Variants in CCND3 observed in about 807,000 individuals in gnomAD.
CCND3 encodes G1/S-specific cyclin-D3.
Under a neutral mutation model 28.7 loss-of-function variants are expected in CCND3, and 9 were observed. The ratio of observed to expected loss-of-function variants is 0.31; its 90% CI spans 0.19 to 0.55. The LOEUF is 0.55. Among genes scored for constraint, CCND3 ranks in the 20% least tolerant of loss-of-function variants. CCND3 has a pLI of 0.93. For missense variants in CCND3, 315 were observed against 385.8 expected (o/e 0.82, Z 1.54); for synonymous variants, 164 against 163.9 (o/e 1.00, Z 0.00).
At chr6:42,009,587 G>A (rs1316804858) in intron 1 of CCND3, among the ~76,000 whole-genome samples, 2 of 151,884 alleles carry the variant, frequency 1.3e-5, no homozygotes, top group African/African-American at 4.8e-5. Flanking sequence ...ACTCCAGTCT[G>A]GGCAACAAGA....
intron 1 of CCND3, among the ~76,000 whole-genome samples, chr6:42,014,353 G>A (rs549604345): frequency 1.5e-3 from 219 of 147,140 alleles, no homozygotes; most frequent in African/African-American, 4.9e-3. Flanking sequence ...GGGCAACAGC[G>A]AGACTCTGTC....
At chr6:41,950,875 A>AT (rs1408938840) in intron 1 of CCND3, among the ~76,000 whole-genome samples, 1 of 151,480 alleles carries the variant, frequency 6.6e-6, no homozygotes, top group African/African-American at 2.4e-5. Context: ...CGCCCAGCTA[A>AT]TTTTTTGTAT....
chr6:42,038,758 G>A (rs1307637286), intron 1 of CCND3, among the ~76,000 whole-genome samples: 1 of 152,042 alleles, frequency 6.6e-6, no homozygotes, highest in East Asian at 1.9e-4. Flanking sequence ...AGAACATTCA[G>A]AAGAGTAAAA....
intron 1 of CCND3, among the ~76,000 whole-genome samples, chr6:42,021,187 T>C (rs1415906583): frequency 6.6e-6 from 1 of 152,260 alleles, no homozygotes; most frequent in African/African-American, 2.4e-5. Context: ...TTAGTCATTG[T>C]GGTTAATCTC....
chr6:41,963,868 A>T lies in CCND3; in HGVS notation c.-45-23283T>A, dbSNP rs116247238. Among the ~76,000 whole-genome samples the T allele has an allele frequency of 2.1e-3, 313 of 152,192 alleles. 1 individual carries two copies. The highest frequency in any genetic ancestry group is 7.1e-3 in the African/African-American group (296 of 41,526). ...TGGACCACTCTTTCCCTAGATCTCCACATAGCTCCTTTCCTCACTTCCCTC... is the reference window on the plus strand; with the variant it reads ...TGGACCACTCTTTCCCTAGATCTCCTCATAGCTCCTTTCCTCACTTCCCTC... On this transcript the variant is annotated intron_variant, in intron 1 of 4. Transcript: ENST00000372988.
intron 1 of CCND3, among the ~76,000 whole-genome samples, chr6:41,989,789 G>A (rs1446178738): frequency 6.6e-6 from 1 of 152,120 alleles, no homozygotes; most frequent in Non-Finnish European, 1.5e-5. Flanking sequence ...ATGACTAAAA[G>A]TACTATTCTA....
In CCND3 at chr6:42,000,564, CT is replaced by C. The variant is rs774090777; in HGVS notation, c.-46+47936del. Reference sequence around the variant, plus strand: ...TTTCTAATAACTGGGTGAAACGAATCTTTTTTTTTTTTTTTTTTCTGAGACG... The same window carrying C: ...TTTCTAATAACTGGGTGAAACGAATCTTTTTTTTTTTTTTTTTCTGAGACG... On this transcript the variant is annotated intron_variant, in intron 1 of 4. Coordinates refer to the CCND3 transcript ENST00000372988. 3.3e-4 allele frequency among the ~76,000 whole-genome samples: 28 copies of C among 85,520 alleles called. 1 individual carries two copies. The highest frequency in any genetic ancestry group is 1.2e-3 in the African/African-American group (25 of 20,226). The allele number at this position is 85,520 out of a possible 152,430, so 56.1% of individuals were successfully genotyped here. A position where few individuals can be genotyped will look rare whatever the true frequency, so the allele number is the denominator to read the frequency against.
At chr6:42,044,075 C>T (rs940205555) in intron 1 of CCND3, among the ~76,000 whole-genome samples, 5 of 152,200 alleles carry the variant, frequency 3.3e-5, no homozygotes, top group Admixed American at 6.5e-5. Context: ...TCTGGGCACA[C>T]GGGTCCCTCT....
At position 42,009,340 on chromosome 6, in the gene CCND3, G is replaced by A. The variant is rs79008491; in HGVS notation, c.-46+39161C>T. On this transcript the variant is annotated intron_variant, in intron 1 of 4. Transcript: ENST00000372988. ...AAAATACAAAAATTGGGCCAGAAGC[G>A]GTGGCTCACACCTGTAATCCCAGGG... Among the ~76,000 whole-genome samples, 26 of 152,294 alleles carry A rather than the reference G, an allele frequency of 1.7e-4. No homozygotes were observed. The East Asian group carries it at 3.3e-3, about 19-fold the overall frequency.
At chr6:42,025,123 G>C (rs1302734662) in intron 1 of CCND3, among the ~76,000 whole-genome samples, 1 of 152,164 alleles carries the variant, frequency 6.6e-6, no homozygotes, top group Non-Finnish European at 1.5e-5. Context: ...GCCTGCATGA[G>C]GCCATGCCTT....
chr6:41,988,706 T>TTTC (rs1762558879), intron 1 of CCND3, among the ~76,000 whole-genome samples: 1 of 149,042 alleles, frequency 6.7e-6, no homozygotes, highest in East Asian at 2.0e-4. Flanking sequence ...TTTCTTTTTT[T>TTTC]TTTTTTTTTT....
Position 41,935,817 on chromosome 6 carries a change from G to T in CCND3, c.*123C>A. 1 of 951,312 alleles carries T rather than the reference G, an allele frequency of 1.1e-6. No homozygotes were observed. Among genetic ancestry groups the T allele is most frequent in the Non-Finnish European group, 1.6e-6 (1 of 616,032 alleles). 58.9% of individuals were successfully genotyped at this position (951,312 alleles called of 1,614,324 possible). ...GGATGGGTAGGACCAGATCCCTTGG[G>T]CTTTGTGAAGGGGGAACAGACGCCC... On this transcript the variant is annotated 3_prime_UTR_variant, in exon 5 of 5. Transcript: ENST00000372991.
intron 1 of CCND3, among the ~76,000 whole-genome samples, chr6:42,030,381 G>T (rs1192104026): frequency 6.6e-6 from 1 of 152,128 alleles, no homozygotes; most frequent in East Asian, 1.9e-4. Flanking sequence ...GGAGCCTTCT[G>T]GTTGTTCTGT....
At chr6:41,944,505 T>C (rs1321171622), upstream of CCND3, among the ~76,000 whole-genome samples, 1 of 152,120 alleles carries the variant, frequency 6.6e-6, no homozygotes, top group Non-Finnish European at 1.5e-5. Context: ...TACTGCAACC[T>C]CTGCCTCCTG....
rs900508115 is a variant in CCND3, at chr6:41,939,704, T to C, written c.414+666A>G. On this transcript the variant is annotated intron_variant, in intron 2 of 4. Coordinates refer to ENST00000372991, the MANE Select transcript of CCND3 (RefSeq NM_001760.5). The surrounding 1 kb of genome is among the most constrained non-coding windows in gnomAD (Gnocchi z 4.2). ...CCTGTCTGTCCCTCAGCTTGGGCCT[T>C]GGGCTAAGGGGGGAAGAGGGAGCTG... Among the ~76,000 whole-genome samples the C allele has an allele frequency of 6.6e-6, 1 of 152,118 alleles. No individual in the cohort carries two copies. The highest frequency in any genetic ancestry group is 1.5e-5 in the Non-Finnish European group (1 of 68,002).
intron 1 of CCND3, among the ~76,000 whole-genome samples, chr6:42,036,064 T>C (rs4714557): frequency 0.55 from 83,068 of 150,260 alleles, 23,345 homozygotes; most frequent in East Asian, 0.83. Flanking sequence ...AATGTTAGCT[T>C]GCTGCGCAAC....
chr6:42,041,140 G>A (rs546163155), intron 1 of CCND3, among the ~76,000 whole-genome samples: 2 of 152,156 alleles, frequency 1.3e-5, no homozygotes, highest in African/African-American at 2.4e-5. Context: ...ACCAAAAAAT[G>A]ACTTCTAGAA....
intron 1 of CCND3, among the ~76,000 whole-genome samples, chr6:41,954,712 C>A (rs1776398981): frequency 6.6e-6 from 1 of 152,062 alleles, no homozygotes; most frequent in Non-Finnish European, 1.5e-5. Flanking sequence ...TTCATTTAAT[C>A]CACATAATAT....
At chr6:42,042,565 G>A (rs1425380724) in intron 1 of CCND3, among the ~76,000 whole-genome samples, 6 of 152,046 alleles carry the variant, frequency 3.9e-5, no homozygotes, top group Middle Eastern at 3.2e-3. Context: ...TCTCCATGTC[G>A]GTCAGGGTGG....
Sources: allele counts gnomAD v4.1 joint callset (sites outside exome capture counted in the v4.1 genomes callset), GRCh38; gene constraint gnomAD v4.1.1; non-coding constraint Gnocchi (gnomAD v3.1); transcripts MANE v1.5; gene names NCBI Gene and HGNC (gene_info 2026-07-23, HGNC 2026-07-21).